Variants in DPP6 observed in about 807,000 individuals in gnomAD.
DPP6 encodes the protein A-type potassium channel modulatory protein DPP6.
In DPP6, 69 loss-of-function variants were observed where a neutral mutation model predicts 122.6. The observed-to-expected ratio is 0.56, with a 90% confidence interval of 0.46 to 0.69. The LOEUF is 0.69. Among genes scored for constraint, DPP6 ranks in the 30% least tolerant of loss-of-function variants. The probability of loss-of-function intolerance (pLI) is 0.00; values close to 1 mark genes in which losing one functional copy is unlikely to be tolerated. For synonymous variants in DPP6, 418 were observed against 433.1 expected (o/e 0.97, Z 0.43); for missense variants, 928 against 1,116.9 (o/e 0.83, Z 2.41).
intron 5 of DPP6, among the ~76,000 whole-genome samples, chr7:154,573,582 G>A (rs908534100): frequency 6.6e-6 from 1 of 152,118 alleles, no homozygotes; most frequent in African/African-American, 2.4e-5. Context: ...TTTCCTTTGC[G>A]ACCGAATTTA....
intron 17 of DPP6, among the ~76,000 whole-genome samples, chr7:154,858,941 TGA>T (rs573506438): frequency 6.6e-6 from 1 of 152,194 alleles, no homozygotes; most frequent in Non-Finnish European, 1.5e-5. Flanking sequence ...ACAATTCATC[TGA>T]GATCCACAGC....
intron 1 of DPP6, among the ~76,000 whole-genome samples, chr7:153,945,930 T>G (rs1801928646): frequency 6.6e-6 from 1 of 152,194 alleles, no homozygotes; most frequent in Non-Finnish European, 1.5e-5. Flanking sequence ...ATCAAATTCC[T>G]AAGTGGAGCA....
chr7:154,693,164 T>A (rs754197395), intron 7 of DPP6, among the ~76,000 whole-genome samples: 1 of 152,162 alleles, frequency 6.6e-6, no homozygotes, highest in Non-Finnish European at 1.5e-5. Context: ...GAGTGGTAAT[T>A]TGGCTCCCCT....
chr7:153,853,619 G>A, the DPP6 span, among the ~76,000 whole-genome samples: 1 of 152,172 alleles, frequency 6.6e-6, no homozygotes, highest in African/African-American at 2.4e-5. Context: ...GAGCTTGGAA[G>A]TACGCCGTGA....
In DPP6 at chr7:154,851,706, G is replaced by GTAAACCA. The variant is rs1207886392; in HGVS notation, c.1667-2073_1667-2067dup. Among the ~76,000 whole-genome samples, 34 of 152,290 alleles carry GTAAACCA rather than the reference G, an allele frequency of 2.2e-4. No individual in the cohort carries two copies. The East Asian group carries it at 6.6e-3, about 29-fold the overall frequency. On this transcript the variant is annotated intron_variant, in intron 16 of 25. Transcript: ENST00000377770. ...ATACTCAGTTACATTTGAATTTTAG[G>GTAAACCA]TAAACCACAGATAATTTTTTTGTAG...
chr7:153,931,081 A>G (rs1407679508), intron 1 of DPP6, among the ~76,000 whole-genome samples: 1 of 152,228 alleles, frequency 6.6e-6, no homozygotes, highest in East Asian at 1.9e-4. Context: ...AATGACGCTC[A>G]CTGGGATGTA....
chr7:153,964,926 C>CTTTCTTTCTTTCTTTCTTTCTT, intron 1 of DPP6, among the ~76,000 whole-genome samples: 2 of 110,048 alleles, frequency 1.8e-5, no homozygotes, highest in East Asian at 2.6e-4. Context: ...TTCTTTCTTT[C>CTTTCTTTCTTTCTTTCTTTCTT]TTTCTTTCTT....
rs573403786 is a variant in DPP6, at chr7:154,795,171, G to A, written c.1261-674G>A. Among the ~76,000 whole-genome samples the A allele has an allele frequency of 3.5e-4, 53 of 152,284 alleles. No homozygotes were observed. The South Asian group carries it at 4.1e-3, about 12-fold the overall frequency. ...ATCTCCAACTTCTCCATGCCCCTGA[G>A]CCTTGAGTGTCAGTGGCAAACACTG... is the stretch of plus-strand genomic sequence containing the variant. On this transcript the variant is annotated intron_variant, in intron 11 of 25. Transcript: ENST00000377770.
At chr7:153,939,722 T>C (rs1046763384) in intron 1 of DPP6, among the ~76,000 whole-genome samples, 30 of 152,334 alleles carry the variant, frequency 2.0e-4, no homozygotes, top group Non-Finnish European at 4.4e-4. Context: ...TGCTCTCATA[T>C]GAAAGACAGC....
At chr7:153,860,695 C>T in the DPP6 span, among the ~76,000 whole-genome samples, 1 of 152,052 alleles carries the variant, frequency 6.6e-6, no homozygotes, top group South Asian at 2.1e-4. Context: ...TCCTTCACTT[C>T]CCAGTGTGAG....
At chr7:154,442,538 G>C (rs1460419565) in intron 1 of DPP6, among the ~76,000 whole-genome samples, 1 of 152,124 alleles carries the variant, frequency 6.6e-6, no homozygotes, top group East Asian at 1.9e-4. Flanking sequence ...GGCGTGTTGA[G>C]GAAAGGGGAC....
chr7:154,226,148 C>T (rs1800587015), intron 1 of DPP6, among the ~76,000 whole-genome samples: 2 of 152,100 alleles, frequency 1.3e-5, no homozygotes, highest in African/African-American at 4.8e-5. Context: ...GGAGGAGAAA[C>T]CATGGCCAGA....
At chr7:153,820,092 T>A in the DPP6 span, among the ~76,000 whole-genome samples, 2 of 152,220 alleles carry the variant, frequency 1.3e-5, no homozygotes, top group Admixed American at 1.3e-4. Context: ...TAAATGTTTT[T>A]AATTGATTTT....
At chr7:154,318,118 G>A (rs1807596849) in intron 1 of DPP6, among the ~76,000 whole-genome samples, 1 of 152,138 alleles carries the variant, frequency 6.6e-6, no homozygotes, top group African/African-American at 2.4e-5. Flanking sequence ...TGGAGATTTT[G>A]AAATTTTCAA....
intron 1 of DPP6, among the ~76,000 whole-genome samples, chr7:154,314,261 A>G (rs1807234201): frequency 6.6e-6 from 1 of 152,182 alleles, no homozygotes; most frequent in Admixed American, 6.5e-5. Context: ...CTGTTGCTGT[A>G]AAAAACAAAA....
At chr7:154,746,893 T>C (rs796126721) in intron 8 of DPP6, among the ~76,000 whole-genome samples, 6 of 152,288 alleles carry the variant, frequency 3.9e-5, no homozygotes, top group African/African-American at 9.6e-5. Flanking sequence ...AAATAAGTCG[T>C]TCAAGCTCTT....
chr7:154,778,493 G>A (rs1010941495), intron 10 of DPP6, among the ~76,000 whole-genome samples: 1 of 151,926 alleles, frequency 6.6e-6, no homozygotes, highest in African/African-American at 2.4e-5. Context: ...GGAAAGCTGA[G>A]GGTCATCAGG....
intron 1 of DPP6, among the ~76,000 whole-genome samples, chr7:154,153,525 A>C (rs1796529306): frequency 6.6e-6 from 1 of 152,134 alleles, no homozygotes; most frequent in African/African-American, 2.4e-5. Flanking sequence ...TACATCAGCC[A>C]TTTCACATCC....
At chr7:154,098,375 T>G (rs1001281847) in intron 1 of DPP6, among the ~76,000 whole-genome samples, 1 of 152,168 alleles carries the variant, frequency 6.6e-6, no homozygotes, top group African/African-American at 2.4e-5. Context: ...AATTACCCAG[T>G]ATTAGGTATG....
Sources: gnomAD v4.1 joint callset for allele counts (sites outside exome capture counted in the v4.1 genomes callset) on GRCh38, gnomAD v4.1.1 for gene constraint, MANE v1.5 for transcripts, NCBI Gene and HGNC (gene_info 2026-07-23, HGNC 2026-07-21) for gene names.